Variants in UTRN observed in about 807,000 individuals in gnomAD.
UTRN encodes dystrophin-related protein 1.
Under a neutral mutation model 463.9 loss-of-function variants are expected in UTRN, and 283 were observed. That is an observed-to-expected ratio of 0.61 (90% CI 0.55 to 0.67). The LOEUF is 0.67. UTRN is among the 30% of genes least tolerant of loss of function. UTRN has a pLI of 0.00. For missense variants in UTRN, 3,922 were observed against 4,084.3 expected (o/e 0.96, Z 1.08); for synonymous variants, 1,442 against 1,431.5 (o/e 1.01, Z -0.17).
chr6:144,669,478 A>G (rs957459731), intron 51 of UTRN, among the ~76,000 whole-genome samples: 4 of 152,154 alleles, frequency 2.6e-5, no homozygotes, highest in Non-Finnish European at 5.9e-5. Context: ...TTATATCACC[A>G]CTAATATATT....
At chr6:144,638,815 G>A (rs1433358696) in intron 51 of UTRN, among the ~76,000 whole-genome samples, 3 of 152,086 alleles carry the variant, frequency 2.0e-5, no homozygotes, top group African/African-American at 7.2e-5. Context: ...CTTTTAGAAG[G>A]CAATGGGGCT....
chr6:144,839,270 A>C lies in UTRN; in HGVS notation c.10163A>C (p.Gln3388Pro). ...CTTGATCCAGATGCCTCCGGCCCAC[A>C]GTTCCACCAGGCAGGTCGGTGTCCC... Reference protein sequence around the residue: ...YSLDPDASGPQFHQAAGEDLL... With the variant: ...YSLDPDASGPPFHQAAGEDLL... The change falls in exon 72 of 75, where the codon CAG (glutamine) becomes CCG (proline). Residue 3388 changes from glutamine (Q) to proline (P), a missense_variant. By Grantham distance (76) the Gln-to-Pro change is moderately conservative (BLOSUM62 -1). Around this residue, in one of 3 missense-constraint regions of UTRN, gnomAD observed 1,309 missense variants for 1,452.6 expected, o/e 0.90. Coordinates refer to ENST00000367545, the MANE Select transcript of UTRN (RefSeq NM_007124.3). 1 of 1,613,630 alleles carries C rather than the reference A, an allele frequency of 6.2e-7. No homozygotes were observed. Among genetic ancestry groups the C allele is most frequent in the Non-Finnish European group, 8.5e-7 (1 of 1,179,880 alleles).
At chr6:144,634,679 G>A (rs982684843) in intron 51 of UTRN, among the ~76,000 whole-genome samples, 4 of 152,176 alleles carry the variant, frequency 2.6e-5, no homozygotes, top group Non-Finnish European at 2.9e-5. Flanking sequence ...TATTATCTCC[G>A]CATCCCTACT....
chr6:144,589,396 A>G (rs891232291), intron 51 of UTRN, among the ~76,000 whole-genome samples: 8 of 152,184 alleles, frequency 5.3e-5, no homozygotes, highest in Non-Finnish European at 1.2e-4. Context: ...TGTCCTTAAG[A>G]GATAGATAGG....
chr6:144,594,958 C>G (rs771727378), intron 51 of UTRN, among the ~76,000 whole-genome samples: 3 of 152,060 alleles, frequency 2.0e-5, no homozygotes, highest in Non-Finnish European at 4.4e-5. Context: ...TTTGAGTTTT[C>G]TTAGTACTAT....
chr6:144,754,193 T>A (rs760009137), intron 56 of UTRN, among the ~76,000 whole-genome samples: 1 of 152,090 alleles, frequency 6.6e-6, no homozygotes, highest in Non-Finnish European at 1.5e-5. Context: ...CCCATAACAC[T>A]TTTTACCATC....
At chr6:144,727,430 T>A (rs1787987437) in intron 53 of UTRN, among the ~76,000 whole-genome samples, 1 of 152,152 alleles carries the variant, frequency 6.6e-6, no homozygotes, top group Non-Finnish European at 1.5e-5. Flanking sequence ...CAGGAAGAAA[T>A]CTAGCACAGG....
intron 50 of UTRN, among the ~76,000 whole-genome samples, chr6:144,570,845 G>A (rs1800873266): frequency 6.6e-6 from 1 of 152,092 alleles, no homozygotes. Context: ...ATACTTGCTA[G>A]GTATTTAAAT....
In UTRN at chr6:144,756,906, G is replaced by A. The variant is rs73593831; in HGVS notation, c.8435-1023G>A. ...ACATTTAGTTCCTCATCTATCAAAT[G>A]GAACTTTAACGTGTATCTTGCTGGC... On this transcript the variant is annotated intron_variant, in intron 57 of 74. Transcript: ENST00000367545. 7.6e-3 allele frequency among the ~76,000 whole-genome samples: 1,151 copies of A among 152,074 alleles called. 9 individuals are homozygous for A. The highest frequency in any genetic ancestry group is 0.025 in the African/African-American group (1,020 of 41,510).
intron 43 of UTRN, among the ~76,000 whole-genome samples, chr6:144,534,319 C>T (rs1396887011): frequency 6.6e-6 from 1 of 152,124 alleles, no homozygotes; most frequent in Non-Finnish European, 1.5e-5. Flanking sequence ...CCTTGTACAG[C>T]TTTAGAAACT....
intron 51 of UTRN, among the ~76,000 whole-genome samples, chr6:144,596,389 C>G (rs961367501): frequency 2.0e-5 from 3 of 151,954 alleles, no homozygotes; most frequent in African/African-American, 7.3e-5. Flanking sequence ...ATTTAATAAC[C>G]TATGGTGACT....
intron 19 of UTRN, among the ~76,000 whole-genome samples, chr6:144,457,806 A>G (rs73780578): frequency 0.028 from 4,206 of 152,200 alleles, 186 homozygotes; most frequent in African/African-American, 0.096. Flanking sequence ...TTTTTAGTTC[A>G]AGCTCTCATT....
At position 144,734,864 on chromosome 6, in the gene UTRN, G is replaced by A. The variant is rs149005449; in HGVS notation, c.7939+4378G>A. On this transcript the variant is annotated intron_variant, in intron 54 of 74. Coordinates refer to ENST00000367545, the MANE Select transcript of UTRN (RefSeq NM_007124.3). ...AGATTCTTATAATGGCTCACAGACT[G>A]TATGCCAGGGGGTGCCATGTTACAT... Among the ~76,000 whole-genome samples the A allele has an allele frequency of 4.3e-4, 66 of 152,210 alleles. No homozygotes were observed. The East Asian group carries it at 0.011, about 26-fold the overall frequency.
intron 22 of UTRN, 60 bp from the exon 23 acceptor site, chr6:144,462,594 T>C: frequency 6.8e-7 from 1 of 1,460,762 alleles, no homozygotes; most frequent in South Asian, 1.3e-5. Flanking sequence ...TAGCCCATTT[T>C]ACTATATCTG....
chr6:144,473,792 G>A lies in UTRN; in HGVS notation c.3139G>A (p.Gly1047Arg), dbSNP rs112622656. The A allele has an allele frequency of 2.4e-4, 391 of 1,614,164 alleles. 3 individuals carry two copies. In the African/African-American group the frequency reaches 4.6e-3, roughly 19 times the overall value. Reference sequence around the variant, plus strand: ...CTTAATGAAACAGCAGGCTGCCCAAGGAGACGACGCAGGTCTACAGAGGCA... The same window carrying A: ...CTTAATGAAACAGCAGGCTGCCCAAAGAGACGACGCAGGTCTACAGAGGCA... ...DFLMKQQAAQ[G>R]DDAGLQRQLD... is the part of the protein sequence containing the mutation. The change falls in exon 24 of 75, where the codon GGA becomes AGA. Residue 1047 changes from glycine (G) to arginine (R), a missense_variant. Around this residue, in one of 3 missense-constraint regions of UTRN, gnomAD observed 2,349 missense variants for 2,303.8 expected, o/e 1.02. Coordinates refer to ENST00000367545, the MANE Select transcript of UTRN (RefSeq NM_007124.3).
chr6:144,622,184 G>GTTTTTTTTTTTTGTTTTT (rs1775470173), intron 51 of UTRN, among the ~76,000 whole-genome samples: 1 of 88,202 alleles, frequency 1.1e-5, no homozygotes, highest in East Asian at 4.3e-4. Context: ...TTTTTTTGTT[G>GTTTTTTTTTTTTGTTTTT]TTTTTTTTTT....
intron 47 of UTRN, among the ~76,000 whole-genome samples, chr6:144,549,422 T>G (rs547248942): frequency 1.3e-5 from 2 of 152,358 alleles, no homozygotes; most frequent in East Asian, 3.9e-4. Context: ...TTGCTAAATT[T>G]TATTAAGTGC....
At chr6:144,625,096 A>G (rs2128650163) in intron 51 of UTRN, among the ~76,000 whole-genome samples, 1 of 152,330 alleles carries the variant, frequency 6.6e-6, no homozygotes, top group Non-Finnish European at 1.5e-5. Flanking sequence ...TGGATTGGCA[A>G]TAAAGGCCCT....
intron 53 of UTRN, chr6:144,708,174 T>C (rs1289909396): frequency 7.4e-6 from 4 of 537,084 alleles, no homozygotes; most frequent in Non-Finnish European, 1.4e-5. Flanking sequence ...AATGGAAGGT[T>C]TGGATAGTAG....
Sources: gnomAD v4.1 joint callset for allele counts (sites outside exome capture counted in the v4.1 genomes callset) on GRCh38, gnomAD v4.1.1 for gene constraint, gnomAD v4.1.1 regional missense constraint, MANE v1.5 for transcripts, NCBI Gene and HGNC (gene_info 2026-07-23, HGNC 2026-07-21) for gene names.